CACNA2D3: variants seen among roughly 807,000 people sequenced by gnomAD.
CACNA2D3 encodes calcium voltage-gated channel auxiliary subunit alpha2delta 3, also known as voltage-dependent calcium channel subunit alpha-2/delta-3.
CACNA2D3 carries 60 observed loss-of-function variants against 160.6 expected under a neutral mutation model. The observed-to-expected ratio is 0.37, with a 90% CI of 0.30 to 0.46. The LOEUF (loss-of-function observed/expected upper bound fraction) is 0.46, where lower values mean the gene tolerates loss of function less well. CACNA2D3 is among the 20% of genes least tolerant of loss of function. CACNA2D3 has a pLI of 1.00. For synonymous variants in CACNA2D3, 558 were observed against 492.9 expected, an observed-to-expected ratio of 1.13 and a Z score of -1.75; for missense variants, 1,205 against 1,365.0, an observed-to-expected ratio of 0.88 and a Z score of 1.85.
intron 2 of CACNA2D3, among the ~76,000 whole-genome samples, chr3:54,297,278 G>C (rs558569091): frequency 1.3e-5 from 2 of 152,266 alleles, no homozygotes; most frequent in South Asian, 2.1e-4. Context: ...TTGTTTTTAC[G>C]TGAAGGGCTT....
rs1278784017 is a variant in CACNA2D3 at position 54,763,828 on chromosome 3, T to C, written c.1247-390T>C. Among the ~76,000 whole-genome samples, 2 of 71,806 alleles carry C rather than the reference T, an allele frequency of 2.8e-5. 1 individual carries two copies. The highest frequency in any genetic ancestry group is 1.1e-3 in the South Asian group (2 of 1,772). The allele number at this position is 71,806 out of a possible 152,430, so 47.1% of individuals were successfully genotyped here. On this transcript the variant is annotated intron_variant, in intron 12 of 37. Transcript: ENST00000474759. ...ATATATATACATATATATATACGTA[T>C]ATATATGTATATATATGTACATATA...
intron 3 of CACNA2D3, among the ~76,000 whole-genome samples, chr3:54,342,494 C>T (rs558484878): frequency 7.4e-4 from 113 of 152,032 alleles, no homozygotes; most frequent in African/African-American, 2.6e-3. Flanking sequence ...GGGAAGGATA[C>T]GGTGGGGTGG....
At chr3:54,618,790 G>A (rs957799689) in intron 9 of CACNA2D3, among the ~76,000 whole-genome samples, 4 of 152,124 alleles carry the variant, frequency 2.6e-5, no homozygotes, top group South Asian at 2.1e-4. Context: ...TGATGCAGAC[G>A]AGTGCGCTGG....
chr3:54,341,086 G>A (rs1698332752), intron 3 of CACNA2D3, among the ~76,000 whole-genome samples: 1 of 152,146 alleles, frequency 6.6e-6, no homozygotes, highest in Non-Finnish European at 1.5e-5. Context: ...CTGTTCAAAT[G>A]TCAGTTCTCA....
intron 29 of CACNA2D3, among the ~76,000 whole-genome samples, chr3:54,984,338 C>T (rs1291833581): frequency 2.8e-5 from 4 of 143,562 alleles, no homozygotes; most frequent in African/African-American, 1.0e-4. Flanking sequence ...TGTAATTCAT[C>T]ATTTTTTAAT....
intron 10 of CACNA2D3, among the ~76,000 whole-genome samples, chr3:54,635,215 G>A (rs1402440171): frequency 1.3e-5 from 2 of 151,984 alleles, no homozygotes; most frequent in African/African-American, 2.4e-5. Flanking sequence ...AAACTAAATG[G>A]AATAAGAAGG....
At chr3:54,358,831 C>T (rs34184259) in intron 3 of CACNA2D3, among the ~76,000 whole-genome samples, 15,868 of 152,130 alleles carry the variant, frequency 0.1, 962 homozygotes, top group East Asian at 0.17. Flanking sequence ...GGGAAAAGTC[C>T]GGGAAGCAAA....
Position 54,626,424 on chromosome 3 carries a change from G to A in CACNA2D3, c.964-1363G>A. The stretch of plus-strand genomic sequence containing the variant: ...CCAAGAAGGAGGCGCTGCCCATGGA[G>A]AAGCCGGAAGTGGTGAAGACGCACC... On this transcript the variant is annotated intron_variant, in intron 9 of 37. Transcript: ENST00000474759. The A allele has an allele frequency of 1.9e-6, 3 of 1,585,698 alleles. No individual in the cohort carries two copies. The South Asian group carries it at 3.5e-5, about 18-fold the overall frequency.
rs776448350 is a variant in CACNA2D3, at chr3:54,816,880, C to G, written c.1398+10C>G. On this transcript the variant is annotated intron_variant, in intron 14 of 37. Coordinates refer to ENST00000474759, the MANE Select transcript of CACNA2D3 (RefSeq NM_018398.3). ...CCCTCAGGCACAAAAGGTAAATTCT[C>G]TTCTGTCACATTCCAGTCACCCCCA... 6.2e-7 allele frequency: 1 copy of G among 1,613,710 alleles called. No individual in the cohort carries two copies.
At chr3:54,216,170 A>G (rs1701459531) in intron 2 of CACNA2D3, among the ~76,000 whole-genome samples, 1 of 151,842 alleles carries the variant, frequency 6.6e-6, no homozygotes, top group African/African-American at 2.4e-5. Context: ...GGGGAGGGAC[A>G]AGGCAGAAGC....
chr3:54,695,296 G>T (rs1700644512), intron 11 of CACNA2D3, among the ~76,000 whole-genome samples: 1 of 151,942 alleles, frequency 6.6e-6, no homozygotes, highest in Non-Finnish European at 1.5e-5. Flanking sequence ...GGTATTAGAG[G>T]CATGAGCCAC....
At chr3:54,136,920 T>C (rs1361912310) in intron 2 of CACNA2D3, among the ~76,000 whole-genome samples, 2 of 152,234 alleles carry the variant, frequency 1.3e-5, no homozygotes, top group Non-Finnish European at 2.9e-5. Flanking sequence ...AGACACTGTT[T>C]ACATGTTGTC....
chr3:54,419,541 CCTG>C (rs1423243268), intron 4 of CACNA2D3, among the ~76,000 whole-genome samples: 1 of 152,168 alleles, frequency 6.6e-6, no homozygotes, highest in Non-Finnish European at 1.5e-5. Flanking sequence ...CCACAAGTAT[CCTG>C]CTTTCATTAT....
At chr3:54,857,449 T>C (rs1269546968) in intron 17 of CACNA2D3, among the ~76,000 whole-genome samples, 4 of 152,110 alleles carry the variant, frequency 2.6e-5, no homozygotes, top group African/African-American at 9.7e-5. Flanking sequence ...GACGAGAAAT[T>C]AGCATCCCTC....
At chr3:54,627,990 T>C (rs1399137986) in intron 10 of CACNA2D3, 114 bp downstream of exon 10, 4 of 721,822 alleles carry the variant, frequency 5.5e-6, no homozygotes, top group Non-Finnish European at 9.8e-6. Context: ...CCCAGCCCTT[T>C]GGGAGGCCGA....
At chr3:54,855,168 G>A (rs1262418256) in intron 17 of CACNA2D3, among the ~76,000 whole-genome samples, 1 of 152,174 alleles carries the variant, frequency 6.6e-6, no homozygotes, top group Non-Finnish European at 1.5e-5. Context: ...GCGACTCTGG[G>A]TCTGCTGAGT....
chr3:54,984,745 G>A (rs1228504252), intron 30 of CACNA2D3, 75 bp downstream of exon 30: 2 of 865,686 alleles, frequency 2.3e-6, no homozygotes, highest in South Asian at 1.6e-5. Context: ...AAATTATGGT[G>A]TTAAAACTTG....
rs1377649672 is a variant in CACNA2D3 at position 54,391,381 on chromosome 3, T to C, written c.381+4607T>C. Among the ~76,000 whole-genome samples, 4 of 152,158 alleles carry C rather than the reference T, an allele frequency of 2.6e-5. No individual in the cohort carries two copies. In the East Asian group the frequency reaches 7.7e-4, roughly 29 times the overall value. On this transcript the variant is annotated intron_variant, in intron 4 of 37. Coordinates refer to ENST00000474759, the MANE Select transcript of CACNA2D3 (RefSeq NM_018398.3). ...GATTGTTAGTTGTTAACAAAAACTG[T>C]ATTGGGGCAAGAGGCAAAATGCAGC...
chr3:54,558,469 T>C (rs1702273638), intron 5 of CACNA2D3, among the ~76,000 whole-genome samples: 1 of 152,148 alleles, frequency 6.6e-6, no homozygotes, highest in African/African-American at 2.4e-5. Context: ...GCAGGTTTGT[T>C]ATGTGGGTAA....
Sources: gnomAD v4.1 joint callset for allele counts (sites outside exome capture counted in the v4.1 genomes callset) on GRCh38, gnomAD v4.1.1 for gene constraint, MANE v1.5 for transcripts, NCBI Gene and HGNC (gene_info 2026-07-23, HGNC 2026-07-21) for gene names.